The following GPR137B variants were observed in gnomAD, a reference collection of about 807,000 sequenced individuals.
The protein encoded by GPR137B is integral membrane protein GPR137B.
Under a neutral mutation model 42.5 loss-of-function variants are expected in GPR137B, and 42 were observed. That is an observed-to-expected ratio of 0.99 (90% CI 0.77 to 1.28). GPR137B has a LOEUF of 1.28. GPR137B is among the 50% of genes most tolerant of loss of function. The pLI, the probability that GPR137B is intolerant of heterozygous loss-of-function variation, is 0.00. For synonymous variants in GPR137B, 218 were observed against 209.7 expected (o/e 1.04, Z -0.34); for missense variants, 487 against 493.9 (o/e 0.99, Z 0.13).
intron 5 of GPR137B, among the ~76,000 whole-genome samples, chr1:236,200,223 T>A (rs1242631005): frequency 1.3e-5 from 2 of 152,068 alleles, no homozygotes; most frequent in Non-Finnish European, 2.9e-5. Context: ...GTACTTGATA[T>A]AATCTCAATT....
rs542477825 is a variant in GPR137B, at chr1:236,183,693, T to C, written c.838-85T>C. On this transcript the variant is annotated intron_variant, in intron 4 of 6. Transcript: ENST00000366592. ...ATGAATTGTACTAGAGTATTAGAAT[T>C]ATTCTCTGTTCACATTAGAAAGAAA... 3.2e-6 allele frequency: 3 copies of C among 926,704 alleles called. No individual in the cohort carries two copies. The South Asian group carries it at 4.8e-5, about 15-fold the overall frequency. The allele number at this position is 926,704 out of a possible 1,614,324, so 57.4% of individuals were successfully genotyped here. A position where few individuals can be genotyped will look rare whatever the true frequency, so the allele number is the denominator to read the frequency against.
At chr1:236,169,154 G>A (rs748684570) in intron 2 of GPR137B, among the ~76,000 whole-genome samples, 2 of 150,114 alleles carry the variant, frequency 1.3e-5, no homozygotes, top group South Asian at 2.1e-4. Context: ...TCCCCATCCC[G>A]CACCTCCCAT....
At chr1:236,154,611 AG>A (rs1395447419) in intron 1 of GPR137B, among the ~76,000 whole-genome samples, 1 of 148,222 alleles carries the variant, frequency 6.7e-6, no homozygotes, top group Non-Finnish European at 1.5e-5. Context: ...GGCAGGACAC[AG>A]GGAGTGTCAT....
chr1:236,188,565 T>A (rs1476023597), intron 5 of GPR137B, among the ~76,000 whole-genome samples: 1 of 152,228 alleles, frequency 6.6e-6, no homozygotes, highest in African/African-American at 2.4e-5. Flanking sequence ...TTTCTGCATC[T>A]ATTGAGATCA....
In GPR137B at chr1:236,202,330, G is replaced by A. The variant is rs114769299; in HGVS notation, c.967-2796G>A. On this transcript the variant is annotated intron_variant, in intron 5 of 6. Coordinates refer to ENST00000366592, the MANE Select transcript of GPR137B (RefSeq NM_003272.4). ...GTTGTTTTCTCCTTCCTTGGAGCAG[G>A]GGATCTGTCATGAGTTGCTGTAATG... 2.3e-3 allele frequency among the ~76,000 whole-genome samples: 348 copies of A among 152,178 alleles called. 2 individuals carry two copies. Among genetic ancestry groups the A allele is most frequent in the Non-Finnish European group, 3.9e-3 (264 of 68,030 alleles).
At chr1:236,205,566 G>A (rs148597577) in intron 6 of GPR137B, among the ~76,000 whole-genome samples, 2 of 152,232 alleles carry the variant, frequency 1.3e-5, no homozygotes, top group South Asian at 2.1e-4. Flanking sequence ...TGGAGATAGG[G>A]TCTCACTCTG....
chr1:236,178,657 G>T (rs1662765675), intron 3 of GPR137B, 21 bp downstream of exon 3: 2 of 1,409,728 alleles, frequency 1.4e-6, no homozygotes, highest in African/African-American at 1.4e-5. Flanking sequence ...ATGTGGTCAA[G>T]ATCCCTCCCA....
rs1404735299 is a variant in GPR137B at position 236,178,563 on chromosome 1, G to A, written c.614G>A (p.Cys205Tyr). 1.2e-6 allele frequency: 2 copies of A among 1,613,100 alleles called. No homozygotes were observed. The highest frequency in any genetic ancestry group is 1.7e-6 in the Non-Finnish European group (2 of 1,179,866). ...VAINDTLFVLCAVSLSICLYK... is the reference protein window; with the variant it reads ...VAINDTLFVLYAVSLSICLYK... ...ATTAATGACACGCTCTTCGTGCTGT[G>A]TGCCGTCTCTCTCTCCATCTGTCTC... The change falls in exon 3 of 7, where the codon TGT becomes TAT. Residue 205 changes from cysteine (C) to tyrosine (Y), a missense_variant. Physicochemically the swap from Cys to Tyr is radical, Grantham distance 194. Coordinates refer to ENST00000366592, the MANE Select transcript of GPR137B (RefSeq NM_003272.4).
Position 236,142,676 on chromosome 1 carries a change from C to G in GPR137B, c.54C>G (p.Thr18=), listed in dbSNP as rs1244130389. ...GCAGCGCCCCCGGCCCGATGGAGAC[C>G]CCGCCGTGGGACCCAGCCCGCAACG... ...PRGSAPGPME[T]PPWDPARNDS... is the part of the protein sequence containing the mutation. Residue 18 remains threonine, a synonymous_variant, in exon 1 of 7, where the codon ACC becomes ACG. Transcript: ENST00000366592. 1 of 1,555,970 alleles carries G rather than the reference C, an allele frequency of 6.4e-7. No homozygotes were observed. Among genetic ancestry groups the G allele is most frequent in the South Asian group, 1.2e-5 (1 of 86,322 alleles).
chr1:236,170,427 G>A (rs1171519866), intron 2 of GPR137B, among the ~76,000 whole-genome samples: 2 of 152,108 alleles, frequency 1.3e-5, no homozygotes, highest in East Asian at 3.9e-4. Flanking sequence ...GAAGGTGCCT[G>A]GGCCAAGATA....
At chr1:236,169,579 A>C (rs1378828278) in intron 2 of GPR137B, among the ~76,000 whole-genome samples, 1 of 152,218 alleles carries the variant, frequency 6.6e-6, no homozygotes, top group African/African-American at 2.4e-5. Context: ...ACCGGGAGGC[A>C]TGGACATTTT....
intron 1 of GPR137B, among the ~76,000 whole-genome samples, chr1:236,159,397 G>A (rs894015528): frequency 6.6e-6 from 1 of 152,054 alleles, no homozygotes; most frequent in Non-Finnish European, 1.5e-5. Context: ...TTGGCGGGGT[G>A]GCTCATGCCT....
chr1:236,165,219 A>G (rs772694099), intron 1 of GPR137B, among the ~76,000 whole-genome samples: 14 of 152,190 alleles, frequency 9.2e-5, no homozygotes, highest in African/African-American at 3.1e-4. Context: ...TTCAAGATAT[A>G]TTGCCACAAA....
Position 236,175,864 on chromosome 1 carries a change from G to T in GPR137B, c.465-2550G>T, listed in dbSNP as rs981111871. On this transcript the variant is annotated intron_variant, in intron 2 of 6. Transcript: ENST00000366592. Reference sequence around the variant, plus strand: ...TTGCTTGGTTAGGTGACTGGCTGAAGGTTGCATGCAAATTTCAGTTTCCTG... The same window carrying T: ...TTGCTTGGTTAGGTGACTGGCTGAATGTTGCATGCAAATTTCAGTTTCCTG... Among the ~76,000 whole-genome samples the T allele has an allele frequency of 4.6e-5, 7 of 152,194 alleles. 1 individual carries two copies. Among genetic ancestry groups the T allele is most frequent in the African/African-American group, 1.7e-4 (7 of 41,440 alleles).
At chr1:236,184,464 G>C (rs12075576) in intron 5 of GPR137B, among the ~76,000 whole-genome samples, 3 of 152,122 alleles carry the variant, frequency 2.0e-5, no homozygotes, top group African/African-American at 7.2e-5. Context: ...ACCAAGTAGC[G>C]TGAGAAACCA....
At position 236,156,097 on chromosome 1, in the gene GPR137B, A is replaced by G. The variant is rs575991344; in HGVS notation, c.415-12609A>G. Reference sequence around the variant, plus strand: ...GCTGGAGAAGGCTGCAAACACATCCAGGGAGCTCCGAGGTCTATGGAAATC... The same window carrying G: ...GCTGGAGAAGGCTGCAAACACATCCGGGGAGCTCCGAGGTCTATGGAAATC... On this transcript the variant is annotated intron_variant, in intron 1 of 6. Coordinates refer to ENST00000366592, the MANE Select transcript of GPR137B (RefSeq NM_003272.4). This position sits in a 1 kb window ranked among gnomAD's most constrained non-coding sequence, Gnocchi z 4.8. Among the ~76,000 whole-genome samples the G allele has an allele frequency of 5.7e-4, 87 of 152,340 alleles. No individual in the cohort carries two copies. Among genetic ancestry groups the G allele is most frequent in the African/African-American group, 2.0e-3 (85 of 41,584 alleles).
At chr1:236,162,065 T>A (rs1353752936) in intron 1 of GPR137B, among the ~76,000 whole-genome samples, 1 of 152,196 alleles carries the variant, frequency 6.6e-6, no homozygotes, top group Non-Finnish European at 1.5e-5. Flanking sequence ...TCTAGAGACT[T>A]ATTGAATGGC....
chr1:236,203,239 G>A (rs555730531), intron 5 of GPR137B, among the ~76,000 whole-genome samples: 16 of 152,016 alleles, frequency 1.1e-4, no homozygotes, highest in Non-Finnish European at 1.8e-4. Flanking sequence ...CATTTCGCCC[G>A]GCTAATTTTT....
chr1:236,187,077 G>T lies in GPR137B; in HGVS notation c.966+3171G>T, dbSNP rs191997714. Among the ~76,000 whole-genome samples the T allele has an allele frequency of 4.3e-3, 650 of 152,262 alleles. 4 individuals carry two copies. The highest frequency in any genetic ancestry group is 0.015 in the African/African-American group (614 of 41,538). On this transcript the variant is annotated intron_variant, in intron 5 of 6. Transcript: ENST00000366592. Reference sequence around the variant, plus strand: ...TGAGATGGTATCTCATTGTAGTTTTGATTTGCATTTCTCTGATGACCAGTG... The same window carrying T: ...TGAGATGGTATCTCATTGTAGTTTTTATTTGCATTTCTCTGATGACCAGTG...
Sources: allele counts gnomAD v4.1 joint callset (sites outside exome capture counted in the v4.1 genomes callset), GRCh38; gene constraint gnomAD v4.1.1; non-coding constraint Gnocchi (gnomAD v3.1); transcripts MANE v1.5; gene names NCBI Gene and HGNC (gene_info 2026-07-23, HGNC 2026-07-21).